KHDRBS2: variants seen among roughly 807,000 people sequenced by gnomAD.
The protein encoded by KHDRBS2 is KH domain-containing, RNA-binding, signal transduction-associated protein 2.
KHDRBS2 carries 26 observed loss-of-function variants against 44.3 expected under a neutral mutation model. The observed-to-expected ratio is 0.59, with a 90% CI of 0.43 to 0.81. KHDRBS2 has a LOEUF of 0.81. Ranked by LOEUF, KHDRBS2 falls within the 40% of genes least tolerant of loss-of-function variation. The pLI is 0.00. For synonymous variants in KHDRBS2, 194 were observed against 151.1 expected (o/e 1.28, Z -2.08); for missense variants, 476 against 433.1 (o/e 1.10, Z -0.88).
chr6:61,586,317 A>G, the KHDRBS2 span, among the ~76,000 whole-genome samples: 1 of 152,162 alleles, frequency 6.6e-6, no homozygotes, highest in Non-Finnish European at 1.5e-5. Context: ...TTGCCCCTTT[A>G]GTGGTGAGTT....
At chr6:61,968,273 T>G (rs2127397694) in intron 4 of KHDRBS2, among the ~76,000 whole-genome samples, 1 of 152,056 alleles carries the variant, frequency 6.6e-6, no homozygotes, top group South Asian at 2.1e-4. Context: ...GGCATCATCT[T>G]GCTTCTAGAT....
At chr6:61,882,249 G>A (rs1260698725) in intron 6 of KHDRBS2, among the ~76,000 whole-genome samples, 1 of 151,924 alleles carries the variant, frequency 6.6e-6, no homozygotes, top group African/African-American at 2.4e-5. Context: ...CCAGCAACCT[G>A]AACCTTCTAT....
chr6:62,075,123 G>A (rs1796080847), intron 2 of KHDRBS2, among the ~76,000 whole-genome samples: 1 of 151,014 alleles, frequency 6.6e-6, no homozygotes. Flanking sequence ...TTATGCTATG[G>A]TCTGAATGTT....
chr6:61,867,821 T>C (rs578029939), intron 6 of KHDRBS2, among the ~76,000 whole-genome samples: 11 of 152,320 alleles, frequency 7.2e-5, no homozygotes, highest in Admixed American at 4.6e-4. Flanking sequence ...CCCCATCCTC[T>C]GGGAGCTCCA....
chr6:61,659,629 G>C, the KHDRBS2 span, among the ~76,000 whole-genome samples: 1 of 151,496 alleles, frequency 6.6e-6, no homozygotes, highest in Non-Finnish European at 1.5e-5. Context: ...GTTCACTTCG[G>C]TGTTCTTTTC....
the KHDRBS2 span, among the ~76,000 whole-genome samples, chr6:61,558,405 C>CA: frequency 0.024 from 3,713 of 151,844 alleles, 71 homozygotes; most frequent in Middle Eastern, 0.085. Context: ...CTAAAAACTA[C>CA]AAAAAATTTA....
intron 2 of KHDRBS2, among the ~76,000 whole-genome samples, chr6:62,061,536 G>C (rs1485426967): frequency 6.7e-6 from 1 of 148,474 alleles, no homozygotes; most frequent in African/African-American, 2.5e-5. Flanking sequence ...TTTCTGCCAA[G>C]AGATCCGCTG....
intron 3 of KHDRBS2, among the ~76,000 whole-genome samples, chr6:62,043,649 C>A (rs1003945145): frequency 1.3e-5 from 2 of 151,792 alleles, no homozygotes; most frequent in African/African-American, 4.8e-5. Context: ...TTTTCATTTT[C>A]TTTTTCTGCT....
At chr6:62,246,300 T>C (rs1835564683) in intron 1 of KHDRBS2, among the ~76,000 whole-genome samples, 1 of 151,812 alleles carries the variant, frequency 6.6e-6, no homozygotes, top group Non-Finnish European at 1.5e-5. Context: ...CAGCAAATTA[T>C]ATAGGCTAGC....
At chr6:62,106,689 C>G (rs1311003613) in intron 2 of KHDRBS2, among the ~76,000 whole-genome samples, 4 of 152,058 alleles carry the variant, frequency 2.6e-5, no homozygotes, top group Non-Finnish European at 4.4e-5. Flanking sequence ...TGCAAAAATC[C>G]TCAATAAAAT....
At chr6:62,059,896 T>A (rs1204120442) in intron 2 of KHDRBS2, among the ~76,000 whole-genome samples, 1 of 151,772 alleles carries the variant, frequency 6.6e-6, no homozygotes, top group Non-Finnish European at 1.5e-5. Flanking sequence ...AAGGGAAAAC[T>A]TTTTATAAAT....
At chr6:61,685,452 G>C (rs770518840) in intron 8 of KHDRBS2, among the ~76,000 whole-genome samples, 2 of 151,846 alleles carry the variant, frequency 1.3e-5, no homozygotes, top group Non-Finnish European at 2.9e-5. Flanking sequence ...TGCAAAATAA[G>C]TAAAATAGAA....
At chr6:61,760,236 A>G (rs899573502) in intron 6 of KHDRBS2, among the ~76,000 whole-genome samples, 1 of 152,328 alleles carries the variant, frequency 6.6e-6, no homozygotes, top group East Asian at 1.9e-4. Flanking sequence ...GTTCTCATAG[A>G]GAAGGTCTGC....
At chr6:62,249,131 T>C (rs1296352285) in intron 1 of KHDRBS2, among the ~76,000 whole-genome samples, 4 of 152,130 alleles carry the variant, frequency 2.6e-5, no homozygotes, top group African/African-American at 9.6e-5. Flanking sequence ...GTCATTTCTA[T>C]ATAAATTCTT....
At chr6:62,137,608 A>C (rs1009063572) in intron 2 of KHDRBS2, among the ~76,000 whole-genome samples, 8 of 152,178 alleles carry the variant, frequency 5.3e-5, no homozygotes, top group Non-Finnish European at 1.2e-4. Context: ...AAACTGGAGA[A>C]GGCATGTTCT....
intron 7 of KHDRBS2, among the ~76,000 whole-genome samples, chr6:61,704,663 C>A (rs970170327): frequency 6.6e-6 from 1 of 151,924 alleles, no homozygotes; most frequent in South Asian, 2.1e-4. Flanking sequence ...AAGAGGGAAG[C>A]ATGATTATAT....
At chr6:61,860,019 A>G (rs1409571946) in intron 6 of KHDRBS2, among the ~76,000 whole-genome samples, 1 of 152,008 alleles carries the variant, frequency 6.6e-6, no homozygotes, top group Non-Finnish European at 1.5e-5. Flanking sequence ...ATCATAATCA[A>G]TGTTTGAGAA....
chr6:62,024,310 T>A (rs1485086715), intron 3 of KHDRBS2, among the ~76,000 whole-genome samples: 1 of 151,512 alleles, frequency 6.6e-6, no homozygotes, highest in Non-Finnish European at 1.5e-5. Context: ...GATTTAATCA[T>A]TTATTCACAC....
In KHDRBS2 at chr6:61,697,268, G is replaced by C; in HGVS notation, c.894-15C>G. On this transcript the variant is annotated splice_polypyrimidine_tract_variant and intron_variant, in intron 7 of 8. Transcript: ENST00000281156. ...ATTCAGGCACACTGCAACAAATTTA[G>C]ATAGCAATCAATGTTACTATAACCA... The C allele has an allele frequency of 6.5e-7, 1 of 1,549,080 alleles. No individual in the cohort carries two copies. Among genetic ancestry groups the C allele is most frequent in the South Asian group, 1.1e-5 (1 of 89,736 alleles).
Sources: allele counts gnomAD v4.1 joint callset (sites outside exome capture counted in the v4.1 genomes callset), GRCh38; gene constraint gnomAD v4.1.1; transcripts MANE v1.5; gene names NCBI Gene and HGNC (gene_info 2026-07-23, HGNC 2026-07-21).